The following NAV2 variants were observed in gnomAD, a reference collection of about 807,000 sequenced individuals.
NAV2 encodes helicase, APC down-regulated 1.
In NAV2, 54 loss-of-function variants were observed where a neutral mutation model predicts 223.2. That is an observed-to-expected ratio of 0.24 (90% CI 0.19 to 0.30). The LOEUF (loss-of-function observed/expected upper bound fraction) is 0.30, where lower values mean the gene tolerates loss of function less well. Among genes scored for constraint, NAV2 ranks in the 10% least tolerant of loss-of-function variants. NAV2 has a pLI of 1.00. For synonymous variants in NAV2, 1,279 were observed against 1,239.3 expected (o/e 1.03, Z -0.67); for missense variants, 2,806 against 3,147.5 (o/e 0.89, Z 2.60).
chr11:19,685,743 C>G (rs193034428), intron 1 of NAV2, among the ~76,000 whole-genome samples: 157 of 152,164 alleles, frequency 1.0e-3, no homozygotes, highest in African/African-American at 3.5e-3. Context: ...GGTAAACCTC[C>G]CTCCCTCTCT....
chr11:19,519,143 C>A (rs941636712), intron 1 of NAV2, among the ~76,000 whole-genome samples: 1 of 151,404 alleles, frequency 6.6e-6, no homozygotes, highest in African/African-American at 2.5e-5. Flanking sequence ...ATATTAACAA[C>A]AATAATAATA....
intron 1 of NAV2, among the ~76,000 whole-genome samples, chr11:19,378,024 C>T (rs1848701234): frequency 6.6e-6 from 1 of 152,090 alleles, no homozygotes; most frequent in African/African-American, 2.4e-5. Context: ...TCAGAGGAGA[C>T]AGCATTTGAC....
chr11:19,610,654 A>G (rs1220280072), intron 1 of NAV2, among the ~76,000 whole-genome samples: 3 of 152,236 alleles, frequency 2.0e-5, no homozygotes, highest in African/African-American at 7.2e-5. Flanking sequence ...GAGCAGCAGA[A>G]TGTGGGCACT....
intron 1 of NAV2, among the ~76,000 whole-genome samples, chr11:19,366,684 C>T (rs1020010700): frequency 3.7e-4 from 56 of 152,096 alleles, no homozygotes; most frequent in African/African-American, 1.3e-3. Flanking sequence ...CTCCGTGAGC[C>T]TCAGTTCCCT....
intron 1 of NAV2, among the ~76,000 whole-genome samples, chr11:19,378,527 G>T (rs540278608): frequency 1.3e-5 from 2 of 151,902 alleles, no homozygotes; most frequent in Non-Finnish European, 2.9e-5. Context: ...AATAAAGAGC[G>T]GCGCCTCACT....
intron 1 of NAV2, among the ~76,000 whole-genome samples, chr11:19,407,096 T>C (rs1458771733): frequency 6.6e-6 from 1 of 152,224 alleles, no homozygotes; most frequent in Non-Finnish European, 1.5e-5. Flanking sequence ...GCAGGATGTG[T>C]GTGTGGCCCA....
intron 6 of NAV2, among the ~76,000 whole-genome samples, chr11:19,919,025 A>G (rs1353589299): frequency 6.6e-6 from 1 of 152,216 alleles, no homozygotes; most frequent in Non-Finnish European, 1.5e-5. Flanking sequence ...AGAAATGTCA[A>G]AAGAAAAATA....
intron 4 of NAV2, among the ~76,000 whole-genome samples, chr11:19,874,655 C>T (rs1241241330): frequency 1.3e-5 from 2 of 152,172 alleles, no homozygotes; most frequent in African/African-American, 4.8e-5. Flanking sequence ...ATACTGTCTG[C>T]TATAGACCAC....
intron 1 of NAV2, among the ~76,000 whole-genome samples, chr11:19,355,379 T>C (rs1291324901): frequency 6.6e-6 from 1 of 152,126 alleles, no homozygotes; most frequent in African/African-American, 2.4e-5. Context: ...AAAATGTCTT[T>C]GGAGAGTGTG....
At chr11:19,592,748 GAAAAT>G (rs977021212) in intron 1 of NAV2, among the ~76,000 whole-genome samples, 1 of 152,124 alleles carries the variant, frequency 6.6e-6, no homozygotes, top group Non-Finnish European at 1.5e-5. Flanking sequence ...AAGTAACAAT[GAAAAT>G]AAAATAATAG....
intron 1 of NAV2, among the ~76,000 whole-genome samples, chr11:19,626,246 A>G (rs1310189114): frequency 6.6e-6 from 1 of 152,072 alleles, no homozygotes; most frequent in East Asian, 1.9e-4. Context: ...TCATTCTTTT[A>G]CATATCCAGT....
intron 6 of NAV2, among the ~76,000 whole-genome samples, chr11:19,918,054 G>T (rs151320272): frequency 2.1e-3 from 317 of 152,304 alleles, no homozygotes; most frequent in Middle Eastern, 0.01. Flanking sequence ...ACCTCTCTGA[G>T]CCTGAATTTA....
intron 11 of NAV2, among the ~76,000 whole-genome samples, chr11:20,002,849 T>TTCCAAAAACAGACTCTGA (rs1234128266): frequency 6.6e-6 from 1 of 152,138 alleles, no homozygotes; most frequent in Non-Finnish European, 1.5e-5. Flanking sequence ...GAGAGAAGCC[T>TTCCAAAAACAGACTCTGA]TCCAAAAACA....
chr11:19,602,834 C>A (rs2046383148), intron 1 of NAV2, among the ~76,000 whole-genome samples: 1 of 36 alleles, frequency 0.028, no homozygotes, highest in African/African-American at 0.1. Flanking sequence ...ATAATCTCAT[C>A]TATACCATTA....
chr11:19,881,588 C>T (rs2063207431), intron 5 of NAV2, among the ~76,000 whole-genome samples: 2 of 152,148 alleles, frequency 1.3e-5, no homozygotes, highest in Admixed American at 1.3e-4. Context: ...GATCCTTGAA[C>T]CTGCCAATAT....
rs180840273 is a variant in NAV2, at chr11:19,900,097, G to A, written c.931+7503G>A. Among the ~76,000 whole-genome samples, 5 of 152,248 alleles carry A rather than the reference G, an allele frequency of 3.3e-5. No homozygotes were observed. The East Asian group carries it at 5.8e-4, about 18-fold the overall frequency. On this transcript the variant is annotated intron_variant, in intron 6 of 37. Coordinates refer to ENST00000349880, the MANE Select transcript of NAV2 (RefSeq NM_145117.5). ...CTAGCTAGTACCCATAGTTGTCAAA[G>A]GGCTTAGAAAGCCAACCTAGAGGTG...
At position 19,425,509 on chromosome 11, in the gene NAV2, A is replaced by T. The variant is rs138494358; in HGVS notation, c.75+74482A>T. 7.2e-3 allele frequency among the ~76,000 whole-genome samples: 1,096 copies of T among 152,318 alleles called. 12 individuals are homozygous for T. Among genetic ancestry groups the T allele is most frequent in the African/African-American group, 0.025 (1,026 of 41,566 alleles). ...GCTTGTCTTACATGCGTGGGAACTGAGACCTAGAGAATTAGAGGGGCATGT... is the reference window on the plus strand; with the variant it reads ...GCTTGTCTTACATGCGTGGGAACTGTGACCTAGAGAATTAGAGGGGCATGT... On this transcript the variant is annotated intron_variant, in intron 1 of 37. Transcript: ENST00000360655.
intron 7 of NAV2, among the ~76,000 whole-genome samples, chr11:19,936,120 C>T (rs1163773371): frequency 6.6e-6 from 1 of 151,510 alleles, no homozygotes. Context: ...CCACCCTCCT[C>T]AGCCTCCTAA....
chr11:20,018,312 C>T (rs368995635), intron 11 of NAV2, among the ~76,000 whole-genome samples: 17 of 146,534 alleles, frequency 1.2e-4, no homozygotes, highest in African/African-American at 4.4e-4. Context: ...TGAGATCGGC[C>T]CACTGCACTC....
Sources: allele counts gnomAD v4.1 joint callset (sites outside exome capture counted in the v4.1 genomes callset), GRCh38; gene constraint gnomAD v4.1.1; transcripts MANE v1.5; gene names NCBI Gene and HGNC (gene_info 2026-07-23, HGNC 2026-07-21).